Variants in TSGA10 observed in about 807,000 individuals in gnomAD.
The protein encoded by TSGA10 is testis specific 10.
In TSGA10, 43 loss-of-function variants were observed where a neutral mutation model predicts 96.6. The ratio of observed to expected loss-of-function variants is 0.44; its 90% CI spans 0.35 to 0.57. The LOEUF is 0.57. Among genes scored for constraint, TSGA10 ranks in the 20% least tolerant of loss-of-function variants. The pLI is 0.01. For missense variants in TSGA10, 703 were observed against 834.4 expected (o/e 0.84, Z 1.94); for synonymous variants, 229 against 269.9 (o/e 0.85, Z 1.48).
chr2:99,079,573 T>C (rs2104581605), intron 11 of TSGA10, among the ~76,000 whole-genome samples: 1 of 152,322 alleles, frequency 6.6e-6, no homozygotes, highest in South Asian at 2.1e-4. Flanking sequence ...GATTCTAATG[T>C]ATAATGAGGA....
chr2:99,011,883 T>C (rs2079040282), intron 20 of TSGA10, among the ~76,000 whole-genome samples: 1 of 152,064 alleles, frequency 6.6e-6, no homozygotes, highest in African/African-American at 2.4e-5. Context: ...AGGCACAAAG[T>C]CATCAGGATA....
At chr2:99,095,629 T>G (rs1052238863) in intron 10 of TSGA10, among the ~76,000 whole-genome samples, 6 of 152,058 alleles carry the variant, frequency 3.9e-5, no homozygotes, top group African/African-American at 1.4e-4. Flanking sequence ...ATGGGAGATA[T>G]TACAACTGAC....
chr2:99,058,246 G>A (rs1295975595), intron 16 of TSGA10, among the ~76,000 whole-genome samples: 1 of 152,108 alleles, frequency 6.6e-6, no homozygotes, highest in Non-Finnish European at 1.5e-5. Flanking sequence ...CTATTAAATT[G>A]TATACTTTAA....
At chr2:99,132,408 T>G (rs2093133513) in intron 1 of TSGA10, among the ~76,000 whole-genome samples, 1 of 152,130 alleles carries the variant, frequency 6.6e-6, no homozygotes, top group African/African-American at 2.4e-5. Context: ...TTCTAGTTTA[T>G]TTGTGTAGAG....
At chr2:99,094,801 G>A (rs189344851) in intron 10 of TSGA10, among the ~76,000 whole-genome samples, 1 of 152,328 alleles carries the variant, frequency 6.6e-6, no homozygotes, top group Admixed American at 6.5e-5. Context: ...TACACTGCTG[G>A]TGGGAATGTA....
rs1004594487 is a variant in TSGA10, at chr2:99,127,193, G to C, written c.-620-17C>G. 34 of 1,269,506 alleles carry C rather than the reference G, an allele frequency of 2.7e-5. No homozygotes were observed. Among genetic ancestry groups the C allele is most frequent in the Non-Finnish European group, 3.4e-5 (33 of 981,900 alleles). 78.6% of individuals were successfully genotyped at this position (1,269,506 alleles called of 1,614,324 possible). A position where few individuals can be genotyped will look rare whatever the true frequency, so the allele number is the denominator to read the frequency against. On this transcript the variant is annotated splice_polypyrimidine_tract_variant and intron_variant, in intron 1 of 20. Coordinates refer to ENST00000393483, the MANE Select transcript of TSGA10 (RefSeq NM_025244.4). Reference sequence around the variant, plus strand: ...GGTGGTAACCTAGTACAAAGAATGGGAAATAATACAGAGGCATTCAGTTTA... The same window carrying C: ...GGTGGTAACCTAGTACAAAGAATGGCAAATAATACAGAGGCATTCAGTTTA...
intron 1 of TSGA10, chr2:99,141,372 G>A: frequency 5.2e-6 from 1 of 193,602 alleles, no homozygotes; most frequent in Non-Finnish European, 1.1e-5. Context: ...CCACCTCCCC[G>A]GCGCCCCAGC....
chr2:99,003,314 T>C (rs966414707), intron 20 of TSGA10, among the ~76,000 whole-genome samples: 8 of 152,096 alleles, frequency 5.3e-5, no homozygotes, highest in African/African-American at 1.4e-4. Flanking sequence ...TCCTTAGAGA[T>C]GTACAAAGAG....
chr2:99,041,139 A>C (rs982277269), intron 16 of TSGA10, among the ~76,000 whole-genome samples: 6 of 152,252 alleles, frequency 3.9e-5, no homozygotes, highest in Non-Finnish European at 5.9e-5. Flanking sequence ...TCAGTTTAAG[A>C]TTGTGAGGTC....
At chr2:99,004,126 A>G (rs770127343) in intron 20 of TSGA10, among the ~76,000 whole-genome samples, 7 of 152,236 alleles carry the variant, frequency 4.6e-5, no homozygotes, top group Non-Finnish European at 8.8e-5. Flanking sequence ...ATCACCACTG[A>G]TCCCACGGAA....
At chr2:99,139,078 A>G (rs1255222552) in intron 1 of TSGA10, among the ~76,000 whole-genome samples, 1 of 152,184 alleles carries the variant, frequency 6.6e-6, no homozygotes, top group Non-Finnish European at 1.5e-5. Flanking sequence ...TGGACAACAT[A>G]GTGAGTTCCT....
intron 2 of TSGA10, among the ~76,000 whole-genome samples, chr2:99,123,961 AG>A (rs1208670883): frequency 1.3e-5 from 2 of 152,196 alleles, no homozygotes; most frequent in African/African-American, 2.4e-5. Flanking sequence ...TATCTACTGG[AG>A]TCCGTGTTTT....
Position 99,046,592 on chromosome 2 carries a change from T to C in TSGA10, c.1405-11153A>G, listed in dbSNP as rs544753848. The stretch of plus-strand genomic sequence containing the variant: ...AAAGCAGTGTGTAGAGGGAAATTTA[T>C]AGCATTAAATGCCCACAAGAGAAAG... On this transcript the variant is annotated intron_variant, in intron 16 of 20. Transcript: ENST00000393483. Among the ~76,000 whole-genome samples the C allele has an allele frequency of 9.2e-5, 14 of 152,300 alleles. No individual in the cohort carries two copies. In the South Asian group the frequency reaches 2.7e-3, roughly 29 times the overall value.
In TSGA10 at chr2:99,144,649, CAAAAAAAA is replaced by C. The variant is rs70940140; in HGVS notation, c.-621+10036_-621+10043del. Among the ~76,000 whole-genome samples, 5 of 52,268 alleles carry C rather than the reference CAAAAAAAA, an allele frequency of 9.6e-5. No individual in the cohort carries two copies. The East Asian group carries it at 2.5e-3, about 26-fold the overall frequency. The allele number at this position is 52,268 out of a possible 152,430, so 34.3% of individuals were successfully genotyped here. A position where few individuals can be genotyped will look rare whatever the true frequency, so the allele number is the denominator to read the frequency against. Reference sequence around the variant, plus strand: ...GGGGGACAAGAACAAAACTCTGTCTCAAAAAAAAAAAAAAAAAAAAAAGATGCTGAAAG... The same window carrying C: ...GGGGGACAAGAACAAAACTCTGTCTCAAAAAAAAAAAAAAGATGCTGAAAG... On this transcript the variant is annotated intron_variant, in intron 1 of 20. Transcript: ENST00000393483.
chr2:99,081,284 AT>A lies in TSGA10; in HGVS notation c.724del (p.Ile242LeufsTer52). The A allele has an allele frequency of 1.3e-6, 2 of 1,537,586 alleles. No individual in the cohort carries two copies. The highest frequency in any genetic ancestry group is 1.3e-5 in the South Asian group (1 of 77,400). ...QEKIMCLDEKIDNFTRQNIAQ... is the reference protein window; with the variant it reads ...QEKIMCLDEKXDNFTRQNIAQ... ...AATATTAAGAGAAAAAAACTCACCAATTTTTTCATCCAAGCACATAATTTTC... is the reference window on the plus strand; with the variant it reads ...AATATTAAGAGAAAAAAACTCACCAATTTTTCATCCAAGCACATAATTTTC... On this transcript the variant is annotated frameshift_variant, in exon 11 of 21. Transcript: ENST00000393483. LOFTEE classifies it high-confidence loss of function.
chr2:99,105,613 G>A lies in TSGA10; in HGVS notation c.295C>T (p.Arg99Trp), dbSNP rs575633900. The change falls in exon 8 of 21, where the codon CGG becomes TGG. Residue 99 changes from arginine (R) to tryptophan (W), a missense_variant. Arg to Trp is a moderately radical substitution (Grantham distance 101). Coordinates refer to ENST00000393483, the MANE Select transcript of TSGA10 (RefSeq NM_025244.4). ...PKSTTAHAILRRVETERDVAF... is the reference protein window; with the variant it reads ...PKSTTAHAILWRVETERDVAF... ...ACATCTCTTTCAGTCTCCACTCGCC[G>A]GAGAATAGCATGTGCCGTTGTTGAT... 239 of 1,609,994 alleles carry A rather than the reference G, an allele frequency of 1.5e-4. No homozygotes were observed. In the South Asian group the frequency reaches 2.2e-3, roughly 15 times the overall value.
intron 1 of TSGA10, among the ~76,000 whole-genome samples, chr2:99,138,162 TG>T (rs2093401905): frequency 6.6e-6 from 1 of 152,234 alleles, no homozygotes; most frequent in Admixed American, 6.5e-5. Flanking sequence ...TCAGGTCCTC[TG>T]CTCTTGCTTT....
chr2:99,001,477 G>A (rs903859201), intron 20 of TSGA10, among the ~76,000 whole-genome samples: 1 of 152,136 alleles, frequency 6.6e-6, no homozygotes, highest in African/African-American at 2.4e-5. Flanking sequence ...CCCATCTGTA[G>A]GTCACCAACA....
chr2:99,015,775 G>C (rs2079466025), intron 20 of TSGA10, among the ~76,000 whole-genome samples: 1 of 152,104 alleles, frequency 6.6e-6, no homozygotes, highest in Admixed American at 6.5e-5. Flanking sequence ...TCCCAGATCT[G>C]ATAAATGAAT....
Sources: gnomAD v4.1 joint callset for allele counts (sites outside exome capture counted in the v4.1 genomes callset) on GRCh38, gnomAD v4.1.1 for gene constraint, MANE v1.5 for transcripts, NCBI Gene and HGNC (gene_info 2026-07-23, HGNC 2026-07-21) for gene names.